The following HSPA12A variants were observed in gnomAD, a reference collection of about 807,000 sequenced individuals.
The protein encoded by HSPA12A is heat shock 70 kDa protein 12A.
HSPA12A carries 28 observed loss-of-function variants against 69.2 expected under a neutral mutation model. The ratio of observed to expected loss-of-function variants is 0.40; its 90% CI spans 0.30 to 0.55. The LOEUF is 0.55. Among genes scored for constraint, HSPA12A ranks in the 20% least tolerant of loss-of-function variants. The pLI is 0.38. For missense variants in HSPA12A, 686 were observed against 900.7 expected (o/e 0.76, Z 3.05); for synonymous variants, 345 against 370.5 (o/e 0.93, Z 0.79).
At chr10:116,838,929 C>CATTT (rs1845761032) in intron 1 of HSPA12A, among the ~76,000 whole-genome samples, 1 of 152,208 alleles carries the variant, frequency 6.6e-6, no homozygotes, top group South Asian at 2.1e-4. Flanking sequence ...GAGCCACACA[C>CATTT]ATTTCAACCT....
intron 1 of HSPA12A, among the ~76,000 whole-genome samples, chr10:116,712,940 A>C (rs1290159040): frequency 2.1e-5 from 3 of 139,560 alleles, no homozygotes; most frequent in Admixed American, 7.4e-5. Flanking sequence ...TTTGAAAAGG[A>C]GTTTTAAGGT....
rs150064025 is a variant in HSPA12A at position 116,737,873 on chromosome 10, G to A, written c.40+4557C>T. 7.0e-3 allele frequency among the ~76,000 whole-genome samples: 1,061 copies of A among 152,266 alleles called. 20 individuals carry two copies. Among genetic ancestry groups the A allele is most frequent in the African/African-American group, 0.025 (1,021 of 41,558 alleles). On this transcript the variant is annotated intron_variant, in intron 1 of 11. Coordinates refer to ENST00000369209, the MANE Select transcript of HSPA12A (RefSeq NM_025015.3). The stretch of plus-strand genomic sequence containing the variant: ...AACGCAGCAAGGATCAGCAGGGCCC[G>A]CTTCAGTGGGGCAGGTTTCAATTCT...
At chr10:116,772,674 T>G (rs1303622120) in intron 2 of HSPA12A, among the ~76,000 whole-genome samples, 1 of 151,900 alleles carries the variant, frequency 6.6e-6, no homozygotes, top group Non-Finnish European at 1.5e-5. Context: ...TCTATCTTTA[T>G]TTTATTTATT....
upstream of HSPA12A, among the ~76,000 whole-genome samples, chr10:116,746,439 G>T (rs1042230101): frequency 1.3e-5 from 2 of 152,196 alleles, no homozygotes; most frequent in African/African-American, 2.4e-5. Flanking sequence ...AGCCCTGGGG[G>T]ATGCATCAGG....
At chr10:116,812,145 C>T (rs1020190822) in intron 2 of HSPA12A, among the ~76,000 whole-genome samples, 1 of 152,168 alleles carries the variant, frequency 6.6e-6, no homozygotes, top group African/African-American at 2.4e-5. Flanking sequence ...TATATTTGCC[C>T]CCTGCCTTAC....
intron 1 of HSPA12A, among the ~76,000 whole-genome samples, chr10:116,729,574 ACAGT>A (rs1266413758): frequency 6.6e-6 from 1 of 151,962 alleles, no homozygotes; most frequent in African/African-American, 2.4e-5. Context: ...AATAACATAA[ACAGT>A]CAATTAACAC....
chr10:116,725,383 C>T (rs782185845), intron 1 of HSPA12A, among the ~76,000 whole-genome samples: 8 of 152,190 alleles, frequency 5.3e-5, no homozygotes, highest in Non-Finnish European at 1.0e-4. Flanking sequence ...CCATCGTTAA[C>T]ATCAGGTCAG....
intron 2 of HSPA12A, among the ~76,000 whole-genome samples, chr10:116,772,352 A>G (rs1844231401): frequency 2.0e-5 from 3 of 151,966 alleles, no homozygotes; most frequent in African/African-American, 7.2e-5. Flanking sequence ...GAAGAAGAGG[A>G]TCTCAGACTC....
chr10:116,672,106 G>T lies in HSPA12A; in HGVS notation c.*2675C>A, dbSNP rs555345537. 6.6e-6 allele frequency: 1 copy of T among 152,270 alleles called. No individual in the cohort carries two copies. The highest frequency in any genetic ancestry group is 1.9e-4 in the East Asian group (1 of 5,188). The allele number at this position is 152,270 out of a possible 1,614,324, so 9.4% of individuals were successfully genotyped here. ...GCAAGGCAGGAAAGGCTTTACATTA[G>T]CCCAAAAAAGAGGGGCTTGACCATG... On this transcript the variant is annotated 3_prime_UTR_variant, in exon 12 of 12. Transcript: ENST00000369209.
intron 2 of HSPA12A, chr10:116,832,122 G>C (rs79908426): frequency 6.6e-6 from 1 of 152,168 alleles, no homozygotes; most frequent in Admixed American, 6.5e-5. Context: ...ACGGTCTCAA[G>C]GGGACGGAAA....
chr10:116,705,071 A>G, intron 3 of HSPA12A, 80 bp downstream of exon 3: 2 of 1,565,312 alleles, frequency 1.3e-6, no homozygotes, highest in Non-Finnish European at 1.7e-6. Flanking sequence ...GTAAGTGCCA[A>G]TCACTGGCTC....
upstream of HSPA12A, among the ~76,000 whole-genome samples, chr10:116,747,090 C>G (rs1554887886): frequency 6.6e-6 from 1 of 152,252 alleles, no homozygotes; most frequent in Non-Finnish European, 1.5e-5. Flanking sequence ...GCCAGCCTTA[C>G]AGCTGAATCA....
intron 2 of HSPA12A, among the ~76,000 whole-genome samples, chr10:116,819,567 C>A (rs1446492495): frequency 1.3e-5 from 2 of 152,158 alleles, no homozygotes; most frequent in Non-Finnish European, 2.9e-5. Flanking sequence ...GAGCCCTCAC[C>A]AGACACCAAA....
intron 1 of HSPA12A, among the ~76,000 whole-genome samples, chr10:116,847,599 C>CA (rs1845914947): frequency 6.6e-6 from 1 of 152,170 alleles, no homozygotes; most frequent in African/African-American, 2.4e-5. Flanking sequence ...ATTACTCACC[C>CA]ACCTCCAAAA....
rs1018934172 is a variant in HSPA12A at position 116,692,284 on chromosome 10, C to G, written c.663+67G>C. On this transcript the variant is annotated intron_variant, in intron 6 of 11. Transcript: ENST00000369209. ...TGTGGGAGGTACCTGGGCGGGGCTA[C>G]AGTCACCACCCTGGACATCTTGAGT... 6.5e-5 allele frequency: 83 copies of G among 1,268,654 alleles called. 1 individual carries two copies. The South Asian group carries it at 6.9e-4, about 11-fold the overall frequency. The allele number at this position is 1,268,654 out of a possible 1,614,324, so 78.6% of individuals were successfully genotyped here.
Position 116,679,013 on chromosome 10 carries a change from A to T in HSPA12A, c.1286+490T>A, listed in dbSNP as rs1849323726. On this transcript the variant is annotated intron_variant, in intron 10 of 11. Transcript: ENST00000369209. Reference sequence around the variant, plus strand: ...ATCTTTTTTTTTAAATTCGGCTTTAAACCGTCTTCTAAATATATTCATTTT... The same window carrying T: ...ATCTTTTTTTTTAAATTCGGCTTTATACCGTCTTCTAAATATATTCATTTT... Among the ~76,000 whole-genome samples the T allele has an allele frequency of 2.6e-5, 4 of 152,264 alleles. No individual in the cohort carries two copies. The South Asian group carries it at 8.3e-4, about 32-fold the overall frequency.
chr10:116,837,846 A>G, intron 1 of HSPA12A, among the ~76,000 whole-genome samples: 1 of 152,156 alleles, frequency 6.6e-6, no homozygotes, highest in East Asian at 1.9e-4. Flanking sequence ...ATCTAAGCCC[A>G]TTAAATAAAC....
intron 1 of HSPA12A, among the ~76,000 whole-genome samples, chr10:116,715,961 G>C (rs1211600129): frequency 6.6e-6 from 1 of 152,188 alleles, no homozygotes; most frequent in Non-Finnish European, 1.5e-5. Context: ...ATAGCCCTTA[G>C]AGCAGTCAGA....
At chr10:116,825,209 T>G in intron 2 of HSPA12A, among the ~76,000 whole-genome samples, 1 of 149,050 alleles carries the variant, frequency 6.7e-6, no homozygotes. Flanking sequence ...AATAAGTAAA[T>G]TTAAAAAAAA....
Sources: allele counts gnomAD v4.1 joint callset (sites outside exome capture counted in the v4.1 genomes callset), GRCh38; gene constraint gnomAD v4.1.1; transcripts MANE v1.5; gene names NCBI Gene and HGNC (gene_info 2026-07-23, HGNC 2026-07-21).